The following CHD8 variants were observed in gnomAD, a reference collection of about 807,000 sequenced individuals.
CHD8 encodes the protein ATP-dependent chromatin remodeler CHD8.
Under a neutral mutation model 279.2 loss-of-function variants are expected in CHD8, and 31 were observed. That is an observed-to-expected ratio of 0.11 (90% CI 0.08 to 0.15). CHD8 has a LOEUF of 0.15. Ranked by LOEUF, CHD8 falls within the 10% of genes least tolerant of loss-of-function variation. The probability of loss-of-function intolerance (pLI) is 1.00; values close to 1 mark genes in which losing one functional copy is unlikely to be tolerated. For synonymous variants in CHD8, 1,081 were observed against 1,139.6 expected (o/e 0.95, Z 1.04); for missense variants, 2,146 against 3,230.5 (o/e 0.66, Z 8.14).
At chr14:21,416,252 T>G (rs537228926) in intron 5 of CHD8, 1 of 189,794 alleles carries the variant, frequency 5.3e-6, no homozygotes, top group African/African-American at 2.3e-5. Context: ...AAGAAGATTT[T>G]GTTTCCATTT....
At chr14:21,424,784 A>C (rs927941729) in intron 5 of CHD8, among the ~76,000 whole-genome samples, 1 of 152,114 alleles carries the variant, frequency 6.6e-6, no homozygotes, top group South Asian at 2.1e-4. Context: ...CTATTCTTAC[A>C]CAGTAATTTC....
chr14:21,445,689 A>AAAT (rs1491109220), intron 1 of CHD8, among the ~76,000 whole-genome samples: 1 of 104,908 alleles, frequency 9.5e-6, no homozygotes, highest in Admixed American at 8.8e-5. Context: ...ATTCGGTCTC[A>AAAT]AAAAAAAAAA....
rs1888133623 is a variant in CHD8 at position 21,403,745 on chromosome 14, G to GA, written c.3308-83dup. 7.7e-6 allele frequency: 9 copies of GA among 1,175,854 alleles called. No individual in the cohort carries two copies. The South Asian group carries it at 1.1e-4, about 15-fold the overall frequency. The allele number at this position is 1,175,854 out of a possible 1,614,324, so 72.8% of individuals were successfully genotyped here. On this transcript the variant is annotated intron_variant, in intron 16 of 37. Coordinates refer to ENST00000646647, the MANE Select transcript of CHD8 (RefSeq NM_001170629.2). The surrounding 1 kb of genome is among the most constrained non-coding windows in gnomAD (Gnocchi z 4.3). ...GTCTATTTAACTAAGAAAGCAAAAGGAAAAAAATGTAATTTGACTTAAGAC... is the reference window on the plus strand; with the variant it reads ...GTCTATTTAACTAAGAAAGCAAAAGGAAAAAAAATGTAATTTGACTTAAGAC...
chr14:21,432,078 T>TG (rs1555318812), intron 1 of CHD8, among the ~76,000 whole-genome samples: 1 of 152,208 alleles, frequency 6.6e-6, no homozygotes, highest in African/African-American at 2.4e-5. Context: ...CTTGGGCACT[T>TG]ACACCTACAA....
chr14:21,405,640 AC>A lies in CHD8; in HGVS notation c.3051+80del. On this transcript the variant is annotated intron_variant, in intron 15 of 37. Coordinates refer to ENST00000646647, the MANE Select transcript of CHD8 (RefSeq NM_001170629.2). This position sits in a 1 kb window ranked among gnomAD's most constrained non-coding sequence, Gnocchi z 4.2. ...AGGAGTTCAGAAAGGCCCTTGAGAT[AC>A]CCATGACAACAGATGTCTGCCTTGT... 3 of 1,523,736 alleles carry A rather than the reference AC, an allele frequency of 2.0e-6. No homozygotes were observed. The highest frequency in any genetic ancestry group is 2.7e-6 in the Non-Finnish European group (3 of 1,117,944). 94.4% of individuals were successfully genotyped at this position (1,523,736 alleles called of 1,614,324 possible).
Position 21,405,587 on chromosome 14 carries a change from C to A in CHD8, c.3052-123G>T. On this transcript the variant is annotated intron_variant, in intron 15 of 37. Transcript: ENST00000646647. The surrounding 1 kb of genome is among the most constrained non-coding windows in gnomAD (Gnocchi z 4.2). Reference sequence around the variant, plus strand: ...TAAGAAATGTATACTTTGGATGATGCCACAAATGATGTAGGCACAAGGTTA... The same window carrying A: ...TAAGAAATGTATACTTTGGATGATGACACAAATGATGTAGGCACAAGGTTA... 3 of 1,466,740 alleles carry A rather than the reference C, an allele frequency of 2.0e-6. No individual in the cohort carries two copies. Among genetic ancestry groups the A allele is most frequent in the Non-Finnish European group, 1.8e-6 (2 of 1,082,816 alleles). The allele number at this position is 1,466,740 out of a possible 1,614,324, so 90.9% of individuals were successfully genotyped here.
chr14:21,391,194 T>C (rs1887521375), intron 36 of CHD8, 131 bp from the exon 37 acceptor site: 1 of 725,302 alleles, frequency 1.4e-6, no homozygotes, highest in Non-Finnish European at 2.3e-6. Flanking sequence ...AGTGGAAAAC[T>C]GCCATTAAGT....
At chr14:21,386,751 A>G (rs1182337161) in intron 37 of CHD8, among the ~76,000 whole-genome samples, 1 of 151,778 alleles carries the variant, frequency 6.6e-6, no homozygotes, top group Non-Finnish European at 1.5e-5. Flanking sequence ...AGGCAGGAGA[A>G]TGGTGTGAAC....
Position 21,436,966 on chromosome 14 carries a change from C to T in CHD8, c.-215-5108G>A, listed in dbSNP as rs762718189. ...AGCAGAGGCGGAAGATTTCTGGTAA[C>T]TGGAGACCCCAAAATGGAAATGAGG... On this transcript the variant is annotated intron_variant, in intron 1 of 37. Coordinates refer to ENST00000646647, the MANE Select transcript of CHD8 (RefSeq NM_001170629.2). The T allele has an allele frequency of 3.2e-4, 406 of 1,285,678 alleles. 1 individual carries two copies. In the Middle Eastern group the frequency reaches 8.3e-3, roughly 26 times the overall value. The allele number at this position is 1,285,678 out of a possible 1,614,324, so 79.6% of individuals were successfully genotyped here.
intron 1 of CHD8, among the ~76,000 whole-genome samples, chr14:21,450,465 G>C (rs1013145001): frequency 6.6e-6 from 1 of 152,096 alleles, no homozygotes; most frequent in African/African-American, 2.4e-5. Context: ...AATAACACAA[G>C]AGACAATCTG....
Position 21,400,627 on chromosome 14 carries a change from A to G in CHD8, c.4371-15T>C, listed in dbSNP as rs758865682. ...ATCGTCCCCAACTAAAAAACAGAAA[A>G]CTATATTAACATTTTTCTGAGAAAT... On this transcript the variant is annotated splice_polypyrimidine_tract_variant and intron_variant, in intron 22 of 37. Coordinates refer to ENST00000646647, the MANE Select transcript of CHD8 (RefSeq NM_001170629.2). This position sits in a 1 kb window ranked among gnomAD's most constrained non-coding sequence, Gnocchi z 4.2. The G allele has an allele frequency of 2.7e-5, 42 of 1,553,586 alleles. No individual in the cohort carries two copies. Among genetic ancestry groups the G allele is most frequent in the Non-Finnish European group, 3.6e-5 (42 of 1,157,258 alleles).
intron 10 of CHD8, among the ~76,000 whole-genome samples, chr14:21,410,608 GAA>G (rs1461699634): frequency 6.6e-6 from 1 of 152,218 alleles, no homozygotes; most frequent in Non-Finnish European, 1.5e-5. Context: ...GTATTCCACT[GAA>G]AGTGAAGGGG....
In CHD8 at chr14:21,429,221, G is replaced by C; in HGVS notation, c.958C>G (p.Gln320Glu). Reference sequence around the variant, plus strand: ...TTGGCTTGAGTCAGGGCTGCCAGCTGGTTGCCCTGTAACACTATCTTGCCT... The same window carrying C: ...TTGGCTTGAGTCAGGGCTGCCAGCTCGTTGCCCTGTAACACTATCTTGCCT... ...LPGKIVLQGN[Q>E]LAALTQAKNA... Residue 320 changes from glutamine (Q) to glutamate (E), a missense_variant, in exon 3 of 38, where the codon CAG becomes GAG. Physicochemically the swap from Gln to Glu is conservative, Grantham distance 29 (BLOSUM62 2). Coordinates refer to ENST00000646647, the MANE Select transcript of CHD8 (RefSeq NM_001170629.2). 6.2e-7 allele frequency: 1 copy of C among 1,613,968 alleles called. No homozygotes were observed. Among genetic ancestry groups the C allele is most frequent in the East Asian group, 2.2e-5 (1 of 44,880 alleles).
chr14:21,447,304 T>C (rs753701761), intron 1 of CHD8, among the ~76,000 whole-genome samples: 2 of 152,144 alleles, frequency 1.3e-5, no homozygotes, highest in Non-Finnish European at 2.9e-5. Context: ...CCGTTAGGGT[T>C]AGGACTATAA....
chr14:21,422,327 C>T (rs1037850176), intron 5 of CHD8, among the ~76,000 whole-genome samples: 1 of 151,768 alleles, frequency 6.6e-6, no homozygotes. Flanking sequence ...GAGACCCTGT[C>T]TCAAAAAAAA....
At position 21,408,063 on chromosome 14, in the gene CHD8, A is replaced by AAATTATGAACATACTT. The variant is rs1888328662; in HGVS notation, c.2730+248_2730+249insAAGTATGTTCATAATT. Among the ~76,000 whole-genome samples the AAATTATGAACATACTT allele has an allele frequency of 6.6e-6, 1 of 152,198 alleles. No homozygotes were observed. The highest frequency in any genetic ancestry group is 2.1e-4 in the South Asian group (1 of 4,828). On this transcript the variant is annotated intron_variant, in intron 13 of 37. Transcript: ENST00000646647. This position sits in a 1 kb window ranked among gnomAD's most constrained non-coding sequence, Gnocchi z 4.3. ...CATTGATGCTGACAAAATTCTACTTAAAATGTGTATGTTCATAAATAAAAT... is the reference window on the plus strand; with the variant it reads ...CATTGATGCTGACAAAATTCTACTTAAATTATGAACATACTTAAATGTGTATGTTCATAAATAAAAT...
chr14:21,446,445 G>A (rs1890123857), intron 1 of CHD8, among the ~76,000 whole-genome samples: 1 of 151,402 alleles, frequency 6.6e-6, no homozygotes, highest in African/African-American at 2.4e-5. Flanking sequence ...CCAAGCAGCT[G>A]GGACAACAGG....
intron 37 of CHD8, among the ~76,000 whole-genome samples, chr14:21,390,441 T>C: frequency 6.6e-6 from 1 of 152,058 alleles, no homozygotes; most frequent in East Asian, 1.9e-4. Flanking sequence ...AATGTTATGC[T>C]CTCCTAGAGA....
intron 37 of CHD8, among the ~76,000 whole-genome samples, chr14:21,389,695 T>C (rs1427728113): frequency 6.6e-6 from 1 of 152,208 alleles, no homozygotes; most frequent in African/African-American, 2.4e-5. Context: ...CAGTTGAAAT[T>C]TGGTGGAAAG....
Sources: allele counts gnomAD v4.1 joint callset (sites outside exome capture counted in the v4.1 genomes callset), GRCh38; gene constraint gnomAD v4.1.1; non-coding constraint Gnocchi (gnomAD v3.1); transcripts MANE v1.5; gene names NCBI Gene and HGNC (gene_info 2026-07-23, HGNC 2026-07-21).